Variants in ATP2B2 observed in about 807,000 individuals in gnomAD.
ATP2B2 encodes plasma membrane calcium-transporting ATPase 2.
In ATP2B2, 15 loss-of-function variants were observed where a neutral mutation model predicts 120.0. The ratio of observed to expected loss-of-function variants is 0.12; its 90% CI spans 0.08 to 0.19. ATP2B2 has a LOEUF of 0.19. ATP2B2 is among the 10% of genes least tolerant of loss of function. ATP2B2 has a pLI of 1.00. For synonymous variants in ATP2B2, 694 were observed against 700.3 expected (o/e 0.99, Z 0.14); for missense variants, 1,045 against 1,719.8 (o/e 0.61, Z 6.94).
intron 1 of ATP2B2, among the ~76,000 whole-genome samples, chr3:10,450,496 G>C (rs774870371): frequency 6.6e-6 from 1 of 152,028 alleles, no homozygotes; most frequent in East Asian, 1.9e-4. Context: ...TCCCCACTCA[G>C]GTCTCATAGG....
chr3:10,332,693 T>C (rs949853140), intron 22 of ATP2B2, among the ~76,000 whole-genome samples: 1 of 152,140 alleles, frequency 6.6e-6, no homozygotes, highest in Non-Finnish European at 1.5e-5. Context: ...GTGGGCCTCC[T>C]GGGAAGCGGT....
At chr3:10,513,171 C>CT (rs34894974) in intron 3 of ATP2B2, among the ~76,000 whole-genome samples, 76,913 of 151,884 alleles carry the variant, frequency 0.51, 19,901 homozygotes, top group East Asian at 0.66. Context: ...CAGGAGGCCC[C>CT]GGTGTCTCTG....
At chr3:10,400,429 C>T (rs1305286389) in intron 5 of ATP2B2, among the ~76,000 whole-genome samples, 1 of 152,242 alleles carries the variant, frequency 6.6e-6, no homozygotes, top group Non-Finnish European at 1.5e-5. Context: ...TCATCACCCA[C>T]ACTCAGCACA....
rs1575452273 is a variant in ATP2B2, at chr3:10,520,128, C to T, written c.-320+13911G>A. Among the ~76,000 whole-genome samples, 3 of 152,318 alleles carry T rather than the reference C, an allele frequency of 2.0e-5. 1 individual carries two copies. The highest frequency in any genetic ancestry group is 7.2e-5 in the African/African-American group (3 of 41,564). On this transcript the variant is annotated intron_variant, in intron 3 of 21. Transcript: ENST00000646379. ...CCCAACCTCAAAGGAAGCTCCAAGC[C>T]ATGGTTTCTGGATTCTGGAATTGAA...
intron 2 of ATP2B2, among the ~76,000 whole-genome samples, chr3:10,438,003 T>C (rs2063532357): frequency 6.6e-6 from 1 of 151,974 alleles, no homozygotes; most frequent in African/African-American, 2.4e-5. Flanking sequence ...ACTCAGTCTG[T>C]GGTCTTTGGA....
rs542194832 is a variant in ATP2B2 at position 10,511,130 on chromosome 3, G to A, written c.-320+22909C>T. On this transcript the variant is annotated intron_variant, in intron 3 of 21. Transcript: ENST00000646379. Reference sequence around the variant, plus strand: ...GACACTCTTGCATTTCCGTGCCTCTGCGTCTTTGCATGTGCCACCCCCTCT... The same window carrying A: ...GACACTCTTGCATTTCCGTGCCTCTACGTCTTTGCATGTGCCACCCCCTCT... 2.0e-5 allele frequency among the ~76,000 whole-genome samples: 3 copies of A among 152,172 alleles called. No homozygotes were observed. In the South Asian group the frequency reaches 6.2e-4, roughly 32 times the overall value.
Position 10,544,452 on chromosome 3 carries a change from A to T in ATP2B2, c.-414-10319T>A, listed in dbSNP as rs140000047. 1.8e-3 allele frequency among the ~76,000 whole-genome samples: 270 copies of T among 152,332 alleles called. 2 individuals are homozygous for T. The highest frequency in any genetic ancestry group is 6.8e-3 in the Middle Eastern group (2 of 294). On this transcript the variant is annotated intron_variant, in intron 2 of 21. Transcript: ENST00000646379. Reference sequence around the variant, plus strand: ...TTAAAAATAGACTACTTCCAGCAGAACCTTTTGCCTTGATGGACCTGGAAG... The same window carrying T: ...TTAAAAATAGACTACTTCCAGCAGATCCTTTTGCCTTGATGGACCTGGAAG...
chr3:10,597,049 G>GCA (rs1207521717), intron 2 of ATP2B2, among the ~76,000 whole-genome samples: 1 of 116,462 alleles, frequency 8.6e-6, no homozygotes, highest in Non-Finnish European at 1.8e-5. Context: ...ACACAGGTGC[G>GCA]CACACACACA....
At chr3:10,521,585 G>C (rs36111447) in intron 3 of ATP2B2, among the ~76,000 whole-genome samples, 1 of 152,184 alleles carries the variant, frequency 6.6e-6, no homozygotes, top group African/African-American at 2.4e-5. Context: ...CAATATAGAA[G>C]CAGCGAGAGT....
chr3:10,636,162 T>A (rs1171770011), intron 1 of ATP2B2, among the ~76,000 whole-genome samples: 1 of 152,228 alleles, frequency 6.6e-6, no homozygotes, highest in Non-Finnish European at 1.5e-5. Flanking sequence ...CTGCAGCCCA[T>A]GAGCATTCTC....
At chr3:10,513,488 A>G (rs1420453825) in intron 3 of ATP2B2, among the ~76,000 whole-genome samples, 1 of 152,120 alleles carries the variant, frequency 6.6e-6, no homozygotes, top group African/African-American at 2.4e-5. Context: ...TTCAGGATGG[A>G]ACCCGAAGAT....
At chr3:10,661,555 C>T (rs1409754452) in intron 1 of ATP2B2, among the ~76,000 whole-genome samples, 2 of 152,136 alleles carry the variant, frequency 1.3e-5, no homozygotes, top group South Asian at 2.1e-4. Context: ...AAGTGAAGGA[C>T]CTCTTCAAGG....
At chr3:10,490,909 G>A (rs2065909337) in intron 1 of ATP2B2, among the ~76,000 whole-genome samples, 1 of 152,186 alleles carries the variant, frequency 6.6e-6, no homozygotes. Flanking sequence ...TATTTGATTT[G>A]GGGGTGAAGG....
rs1184244435 is a variant in ATP2B2 at position 10,707,971 on chromosome 3, T to C, written c.-516A>G. 8.2e-5 allele frequency: 12 copies of C among 146,398 alleles called. No individual in the cohort carries two copies. In the South Asian group the frequency reaches 1.8e-3, roughly 22 times the overall value. 9.1% of individuals were successfully genotyped at this position (146,398 alleles called of 1,614,324 possible). A position where few individuals can be genotyped will look rare whatever the true frequency, so the allele number is the denominator to read the frequency against. On this transcript the variant is annotated 5_prime_UTR_variant, in exon 1 of 22. Transcript: ENST00000646379. ...CCGCCGCTGCCGCCGCCGCTGCCGC[T>C]GGTGCGCGCCCGGCCCGGCCCGGCC...
At chr3:10,455,512 A>G (rs780622160) in intron 1 of ATP2B2, among the ~76,000 whole-genome samples, 2 of 152,236 alleles carry the variant, frequency 1.3e-5, no homozygotes, top group Non-Finnish European at 2.9e-5. Context: ...CAAGGACTCA[A>G]TGAGAGCCAG....
intron 2 of ATP2B2, among the ~76,000 whole-genome samples, chr3:10,589,940 C>T (rs1197564200): frequency 6.6e-6 from 1 of 152,146 alleles, no homozygotes; most frequent in African/African-American, 2.4e-5. Context: ...TAGGCATTTA[C>T]CCAAAAGAAA....
chr3:10,687,223 T>A (rs1449593722), intron 1 of ATP2B2, among the ~76,000 whole-genome samples: 1 of 152,186 alleles, frequency 6.6e-6, no homozygotes, highest in Non-Finnish European at 1.5e-5. Context: ...GCACCCCAGT[T>A]TCCTTATACT....
chr3:10,344,112 C>T (rs938710630), intron 18 of ATP2B2, among the ~76,000 whole-genome samples: 13 of 152,104 alleles, frequency 8.5e-5, no homozygotes, highest in African/African-American at 2.7e-4. Flanking sequence ...TCCCCTTGCC[C>T]CCGTCCTCCC....
chr3:10,575,122 G>A (rs576072907), intron 2 of ATP2B2, among the ~76,000 whole-genome samples: 49 of 152,306 alleles, frequency 3.2e-4, no homozygotes, highest in African/African-American at 1.0e-3. Context: ...CTTTCCGCCC[G>A]GGGGAGAAAG....
Sources: allele counts gnomAD v4.1 joint callset (sites outside exome capture counted in the v4.1 genomes callset), GRCh38; gene constraint gnomAD v4.1.1; transcripts MANE v1.5; gene names NCBI Gene and HGNC (gene_info 2026-07-23, HGNC 2026-07-21).